NAALADL2: variants seen among roughly 807,000 people sequenced by gnomAD.
NAALADL2 encodes inactive N-acetylated-alpha-linked acidic dipeptidase-like protein 2.
Under a neutral mutation model 87.2 loss-of-function variants are expected in NAALADL2, and 76 were observed. The ratio of observed to expected loss-of-function variants is 0.87; its 90% CI spans 0.72 to 1.05. The LOEUF is 1.05. Among genes scored for constraint, NAALADL2 ranks in the 50% least tolerant of loss-of-function variants. The pLI is 0.00. For synonymous variants in NAALADL2, 354 were observed against 331.0 expected (o/e 1.07, Z -0.75); for missense variants, 1,089 against 945.8 (o/e 1.15, Z -1.99).
intron 1 of NAALADL2, among the ~76,000 whole-genome samples, chr3:174,540,108 C>T (rs954838575): frequency 3.4e-5 from 5 of 146,962 alleles, no homozygotes; most frequent in African/African-American, 1.2e-4. Context: ...TGGAGGAGTA[C>T]AAAAGTGGCA....
chr3:175,077,205 A>G (rs1299469442), intron 1 of NAALADL2, among the ~76,000 whole-genome samples: 1 of 152,254 alleles, frequency 6.6e-6, no homozygotes, highest in African/African-American at 2.4e-5. Flanking sequence ...GGAAATTTAA[A>G]AAATGAGCAT....
intron 1 of NAALADL2, among the ~76,000 whole-genome samples, chr3:174,906,992 AT>A (rs536709428): frequency 6.6e-6 from 1 of 152,032 alleles, no homozygotes; most frequent in Admixed American, 6.6e-5. Context: ...TAAAAATCAG[AT>A]GGTTATTAAT....
chr3:174,985,839 C>A (rs574271499), intron 1 of NAALADL2, among the ~76,000 whole-genome samples: 4 of 151,876 alleles, frequency 2.6e-5, no homozygotes, highest in Non-Finnish European at 4.4e-5. Context: ...GTAATCCCAG[C>A]GACTTGGGAG....
In NAALADL2 at chr3:175,571,690, A is replaced by G. The variant is rs540032668; in HGVS notation, c.1654-4351A>G. ...TGCAGGTCTGTGAATTTGGCCTTAA[A>G]TTCATTACATTAAAGTAATGAATAA... On this transcript the variant is annotated intron_variant, in intron 9 of 13. Coordinates refer to ENST00000454872, the MANE Select transcript of NAALADL2 (RefSeq NM_207015.3). Among the ~76,000 whole-genome samples, 17 of 152,310 alleles carry G rather than the reference A, an allele frequency of 1.1e-4. No individual in the cohort carries two copies. In the East Asian group the frequency reaches 2.9e-3, roughly 26 times the overall value.
At chr3:174,628,004 G>A (rs534355096) in intron 2 of NAALADL2, among the ~76,000 whole-genome samples, 66 of 152,252 alleles carry the variant, frequency 4.3e-4, no homozygotes, top group African/African-American at 1.5e-3. Flanking sequence ...CACTATTCAG[G>A]TGATGGATGC....
intron 1 of NAALADL2, among the ~76,000 whole-genome samples, chr3:174,939,640 G>C (rs75549843): frequency 0.041 from 6,269 of 151,932 alleles, 436 homozygotes; most frequent in African/African-American, 0.14. Flanking sequence ...CTATACGTGA[G>C]CATGGGATTT....
intron 13 of NAALADL2, among the ~76,000 whole-genome samples, chr3:175,772,376 C>T (rs28526495): frequency 0.32 from 48,666 of 151,768 alleles, 9,895 homozygotes; most frequent in African/African-American, 0.58. Flanking sequence ...TGATAAACTA[C>T]AATAAGAAGC....
At chr3:174,536,334 A>T (rs1388342366) in intron 1 of NAALADL2, among the ~76,000 whole-genome samples, 3 of 152,090 alleles carry the variant, frequency 2.0e-5, no homozygotes, top group Non-Finnish European at 4.4e-5. Context: ...CATAGAGATA[A>T]CATTTTCCAA....
At chr3:175,704,474 ATAG>A (rs1419240644) in intron 11 of NAALADL2, among the ~76,000 whole-genome samples, 165 of 86,398 alleles carry the variant, frequency 1.9e-3, no homozygotes, top group African/African-American at 0.015. Context: ...TTTTTGACAG[ATAG>A]TCTTTTGCCA....
intron 4 of NAALADL2, among the ~76,000 whole-genome samples, chr3:175,277,918 C>T (rs1753807673): frequency 6.6e-6 from 1 of 152,170 alleles, no homozygotes; most frequent in Admixed American, 6.5e-5. Flanking sequence ...CCTGATCCCA[C>T]AGAATATTTC....
At chr3:175,167,001 A>G (rs566570864) in intron 2 of NAALADL2, among the ~76,000 whole-genome samples, 39 of 152,110 alleles carry the variant, frequency 2.6e-4, no homozygotes, top group Non-Finnish European at 4.3e-4. Context: ...CTTTACATCC[A>G]TATTTTCTTT....
At chr3:175,035,279 G>C (rs1044167646) in intron 1 of NAALADL2, among the ~76,000 whole-genome samples, 2 of 152,154 alleles carry the variant, frequency 1.3e-5, no homozygotes, top group Non-Finnish European at 2.9e-5. Flanking sequence ...TAGACTTAAA[G>C]TAGCTTCCAA....
intron 4 of NAALADL2, among the ~76,000 whole-genome samples, chr3:175,318,289 T>C (rs1759406765): frequency 6.6e-6 from 1 of 152,162 alleles, no homozygotes; most frequent in African/African-American, 2.4e-5. Context: ...TGTACGTATG[T>C]ATGTTCATAA....
At chr3:175,227,885 T>G (rs1452571386) in intron 2 of NAALADL2, among the ~76,000 whole-genome samples, 1 of 151,924 alleles carries the variant, frequency 6.6e-6, no homozygotes, top group African/African-American at 2.4e-5. Context: ...ACATTAAACT[T>G]GATAAATTTA....
intron 1 of NAALADL2, among the ~76,000 whole-genome samples, chr3:175,072,751 A>C (rs984523224): frequency 6.6e-6 from 1 of 150,552 alleles, no homozygotes; most frequent in Non-Finnish European, 1.5e-5. Context: ...TGACGAGTTA[A>C]TGGGTGCAGC....
intron 1 of NAALADL2, among the ~76,000 whole-genome samples, chr3:174,916,091 T>G (rs953156941): frequency 6.6e-6 from 1 of 152,080 alleles, no homozygotes; most frequent in Non-Finnish European, 1.5e-5. Flanking sequence ...AAAGAAGGTA[T>G]ACAAACAGCC....
intron 2 of NAALADL2, among the ~76,000 whole-genome samples, chr3:174,624,835 A>G (rs1054530950): frequency 1.3e-5 from 2 of 152,172 alleles, no homozygotes; most frequent in Non-Finnish European, 2.9e-5. Context: ...GCTATTAGCC[A>G]ATAATAAGCA....
intron 1 of NAALADL2, among the ~76,000 whole-genome samples, chr3:174,986,759 A>G (rs187627032): frequency 1.3e-4 from 20 of 152,260 alleles, no homozygotes; most frequent in African/African-American, 4.3e-4. Flanking sequence ...ATTGGGTAGT[A>G]AATTACTTAC....
At chr3:174,888,213 C>T (rs956676050) in intron 1 of NAALADL2, among the ~76,000 whole-genome samples, 4 of 152,230 alleles carry the variant, frequency 2.6e-5, no homozygotes, top group Non-Finnish European at 5.9e-5. Flanking sequence ...TCAACAAAAA[C>T]GAGAGCTGTG....
Sources: allele counts gnomAD v4.1 joint callset (sites outside exome capture counted in the v4.1 genomes callset), GRCh38; gene constraint gnomAD v4.1.1; transcripts MANE v1.5; gene names NCBI Gene and HGNC (gene_info 2026-07-23, HGNC 2026-07-21).